The following DPH6 variants were observed in gnomAD, a reference collection of about 807,000 sequenced individuals.
The protein encoded by DPH6 is diphthamine biosynthesis 6.
DPH6 carries 33 observed loss-of-function variants against 38.2 expected under a neutral mutation model. The ratio of observed to expected loss-of-function variants is 0.86; its 90% CI spans 0.65 to 1.15. The LOEUF (loss-of-function observed/expected upper bound fraction) is 1.15. DPH6 is among the 50% of genes most tolerant of loss of function. DPH6 has a pLI of 0.00. For missense variants in DPH6, 325 were observed against 320.0 expected (o/e 1.02, Z -0.12); for synonymous variants, 108 against 103.0 (o/e 1.05, Z -0.30).
intron 4 of DPH6, among the ~76,000 whole-genome samples, chr15:35,454,388 T>C (rs1482917462): frequency 2.0e-5 from 3 of 152,194 alleles, no homozygotes; most frequent in Non-Finnish European, 1.5e-5. Context: ...AATATTACTG[T>C]ATTCCTTTTA....
the DPH6 span, chr15:35,181,934 T>C: frequency 1.3e-5 from 2 of 152,092 alleles, no homozygotes; most frequent in African/African-American, 4.8e-5. Flanking sequence ...GATATTTCTT[T>C]ATTAATCAAT....
chr15:35,412,861 T>A (rs1234698901), intron 5 of DPH6, among the ~76,000 whole-genome samples: 2 of 151,588 alleles, frequency 1.3e-5, no homozygotes, highest in African/African-American at 4.8e-5. Flanking sequence ...AGAACACAGA[T>A]GATTTGTAGG....
intron 3 of DPH6, among the ~76,000 whole-genome samples, chr15:35,532,877 G>A (rs1353623351): frequency 6.6e-6 from 1 of 152,066 alleles, no homozygotes; most frequent in African/African-American, 2.4e-5. Flanking sequence ...GCTGAGGCAG[G>A]CAGATCACCT....
the DPH6 span, among the ~76,000 whole-genome samples, chr15:35,204,646 A>G: frequency 6.6e-6 from 1 of 151,776 alleles, no homozygotes; most frequent in Non-Finnish European, 1.5e-5. Flanking sequence ...AAAAACCTCT[A>G]GCAAAATACA....
At chr15:35,221,191 G>A (rs1408219169) in intron 3 of DPH6, among the ~76,000 whole-genome samples, 1 of 152,190 alleles carries the variant, frequency 6.6e-6, no homozygotes, top group African/African-American at 2.4e-5. Context: ...GGGCCCCCTA[G>A]GCCTCAGGCA....
intron 3 of DPH6, among the ~76,000 whole-genome samples, chr15:35,235,259 C>A (rs999166070): frequency 6.6e-6 from 1 of 152,180 alleles, no homozygotes; most frequent in Non-Finnish European, 1.5e-5. Context: ...GTTCCCTTTC[C>A]TTGGTTTGGA....
At chr15:35,240,727 G>A (rs999766398) in intron 3 of DPH6, among the ~76,000 whole-genome samples, 2 of 143,406 alleles carry the variant, frequency 1.4e-5, no homozygotes, top group African/African-American at 2.5e-5. Flanking sequence ...TGGCTCGTTC[G>A]GCAGCAGCCC....
At chr15:35,213,921 G>A (rs1338771874), downstream of DPH6, among the ~76,000 whole-genome samples, 1 of 152,192 alleles carries the variant, frequency 6.6e-6, no homozygotes, top group South Asian at 2.1e-4. Flanking sequence ...GACCATCCTG[G>A]CTAACACGGT....
intron 3 of DPH6, among the ~76,000 whole-genome samples, chr15:35,225,991 A>G (rs1394989502): frequency 6.6e-6 from 1 of 152,224 alleles, no homozygotes; most frequent in Non-Finnish European, 1.5e-5. Flanking sequence ...ATGTGCCTAT[A>G]GTAGCAGCTA....
chr15:35,346,959 C>A (rs1215619303), intron 3 of DPH6, among the ~76,000 whole-genome samples: 1 of 151,936 alleles, frequency 6.6e-6, no homozygotes, highest in East Asian at 1.9e-4. Context: ...ATAAAATTTA[C>A]CCTTTAAAAA....
chr15:35,461,367 C>G lies in DPH6; in HGVS notation c.313-6547G>C, dbSNP rs569431198. ...GGATTACAGGCATGAGCTACTGTAC[C>G]CAGCCAGAATACATTTTTGTTAATG... On this transcript the variant is annotated intron_variant, in intron 3 of 8. Transcript: ENST00000256538. Among the ~76,000 whole-genome samples, 8 of 152,260 alleles carry G rather than the reference C, an allele frequency of 5.3e-5. No homozygotes were observed. In the South Asian group the frequency reaches 1.5e-3, roughly 28 times the overall value.
chr15:35,278,189 C>G (rs318356), intron 3 of DPH6, among the ~76,000 whole-genome samples: 149,685 of 152,346 alleles, frequency 0.98, 73,592 homozygotes, highest in East Asian at 1. Flanking sequence ...TCAGGGACCA[C>G]GCCAAGGACA....
At chr15:35,425,675 A>ATG (rs890396766) in intron 5 of DPH6, among the ~76,000 whole-genome samples, 2 of 68,172 alleles carry the variant, frequency 2.9e-5, no homozygotes, top group Non-Finnish European at 5.2e-5. Flanking sequence ...GTGTGTGTGT[A>ATG]TGTGTGTGTG....
intron 5 of DPH6, among the ~76,000 whole-genome samples, chr15:35,418,225 T>A (rs1380351879): frequency 3.9e-5 from 6 of 152,068 alleles, no homozygotes; most frequent in Non-Finnish European, 7.4e-5. Context: ...TACAAAAACC[T>A]TTATAATCAC....
chr15:35,327,606 A>G (rs550779083), downstream of DPH6, among the ~76,000 whole-genome samples: 43 of 152,270 alleles, frequency 2.8e-4, no homozygotes, highest in Non-Finnish European at 4.4e-5. Flanking sequence ...CGGCCTCCCC[A>G]AGTGCCACCG....
At chr15:35,263,613 C>T (rs1354717082) in intron 3 of DPH6, among the ~76,000 whole-genome samples, 1 of 151,766 alleles carries the variant, frequency 6.6e-6, no homozygotes, top group African/African-American at 2.4e-5. Context: ...ACTATATTGC[C>T]AAAGATGATC....
chr15:35,210,818 C>T, the DPH6 span, among the ~76,000 whole-genome samples: 1 of 151,900 alleles, frequency 6.6e-6, no homozygotes. Context: ...GGGATAGGGG[C>T]TGTGGGTTTC....
chr15:35,280,705 T>C lies in DPH6; in HGVS notation n.201-60123A>G, dbSNP rs541182913. On this transcript the variant is annotated intron_variant and non_coding_transcript_variant, in intron 3 of 3. Coordinates refer to the DPH6 transcript ENST00000560386. ...TTCTAGAAGCGTTACTAAAACCTAA[T>C]GCATTATTAAGTAGGTAAGGTAAAA... is the stretch of plus-strand genomic sequence containing the variant. 1.6e-4 allele frequency among the ~76,000 whole-genome samples: 24 copies of C among 152,330 alleles called. No homozygotes were observed. In the South Asian group the frequency reaches 4.8e-3, roughly 30 times the overall value.
chr15:35,339,314 CATT>C (rs550954918), intron 3 of DPH6, among the ~76,000 whole-genome samples: 8 of 149,142 alleles, frequency 5.4e-5, no homozygotes, highest in Admixed American at 6.7e-5. Flanking sequence ...GCCTTAATTT[CATT>C]ATTATTATTA....
Sources: gnomAD v4.1 joint callset for allele counts (sites outside exome capture counted in the v4.1 genomes callset) on GRCh38, gnomAD v4.1.1 for gene constraint, MANE v1.5 for transcripts, NCBI Gene and HGNC (gene_info 2026-07-23, HGNC 2026-07-21) for gene names.